BTBD9: variants seen among roughly 807,000 people sequenced by gnomAD.
BTBD9 encodes the protein BTB domain containing 9.
BTBD9 carries 49 observed loss-of-function variants against 64.3 expected under a neutral mutation model. That is an observed-to-expected ratio of 0.76 (90% CI 0.61 to 0.97). The LOEUF is 0.97. BTBD9 is among the 50% of genes least tolerant of loss of function. The probability of loss-of-function intolerance (pLI) is 0.00; values close to 1 mark genes in which losing one functional copy is unlikely to be tolerated. For missense variants in BTBD9, 598 were observed against 762.1 expected, an observed-to-expected ratio of 0.78 and a Z score of 2.53; for synonymous variants, 260 against 274.7, an observed-to-expected ratio of 0.95 and a Z score of 0.53.
intron 6 of BTBD9, among the ~76,000 whole-genome samples, chr6:38,519,300 A>G (rs1036324406): frequency 6.6e-6 from 1 of 152,226 alleles, no homozygotes; most frequent in Non-Finnish European, 1.5e-5. Context: ...AGACTTGTGC[A>G]TTTCTTTGTA....
chr6:38,511,913 C>T (rs1296516893), intron 6 of BTBD9, among the ~76,000 whole-genome samples: 1 of 152,144 alleles, frequency 6.6e-6, no homozygotes, highest in Non-Finnish European at 1.5e-5. Context: ...CTAGGACCCT[C>T]TTGAAAGCTC....
intron 4 of BTBD9, among the ~76,000 whole-genome samples, chr6:38,592,211 T>A (rs1232170389): frequency 6.6e-6 from 1 of 151,414 alleles, no homozygotes; most frequent in South Asian, 2.1e-4. Context: ...TCCATGTTCA[T>A]GGTACCCAAA....
intron 6 of BTBD9, among the ~76,000 whole-genome samples, chr6:38,357,062 G>C (rs1328397652): frequency 3.3e-5 from 5 of 152,140 alleles, no homozygotes; most frequent in Admixed American, 2.6e-4. Context: ...TCCTGTTTTA[G>C]AGACACTCTG....
chr6:38,438,250 G>GGGAA, intron 6 of BTBD9, among the ~76,000 whole-genome samples: 1 of 147,684 alleles, frequency 6.8e-6, no homozygotes, highest in African/African-American at 2.5e-5. Flanking sequence ...GAGGGAGGGA[G>GGGAA]GAAGGAAGGA....
In BTBD9 at chr6:38,561,791, A is replaced by G. The variant is rs896978985; in HGVS notation, c.1154+15809T>C. On this transcript the variant is annotated intron_variant, in intron 6 of 10. Transcript: ENST00000481247. ...TAGACACTGGGGACTACGGTGGGGG[A>G]TGGGGCAAGGGCTGAAAAACTACTT... Among the ~76,000 whole-genome samples, 123 of 152,192 alleles carry G rather than the reference A, an allele frequency of 8.1e-4. 1 individual carries two copies. Among genetic ancestry groups the G allele is most frequent in the African/African-American group, 2.9e-3 (120 of 41,520 alleles).
chr6:38,510,616 T>C, intron 6 of BTBD9, among the ~76,000 whole-genome samples: 1 of 152,264 alleles, frequency 6.6e-6, no homozygotes. Flanking sequence ...AAAATAATAC[T>C]TAGCTTAAAA....
In BTBD9 at chr6:38,169,780, A is replaced by G. The variant is rs909781030; in HGVS notation, c.*5205T>C. ...CACCCCCCCTCCCCCCCGCCCATTC[A>G]GGGCTATAAATACTCACGGACGCAA... On this transcript the variant is annotated 3_prime_UTR_variant, in exon 11 of 11. Transcript: ENST00000481247. 1 of 91,950 alleles carries G rather than the reference A, an allele frequency of 1.1e-5. No homozygotes were observed. Among genetic ancestry groups the G allele is most frequent in the Non-Finnish European group, 2.1e-5 (1 of 47,286 alleles). 5.7% of individuals were successfully genotyped at this position (91,950 alleles called of 1,614,324 possible).
chr6:38,405,554 A>G (rs1019054911), intron 6 of BTBD9, among the ~76,000 whole-genome samples: 2 of 152,136 alleles, frequency 1.3e-5, no homozygotes, highest in African/African-American at 4.8e-5. Flanking sequence ...ATAATGAGAA[A>G]TAAGCTCCTG....
intron 6 of BTBD9, among the ~76,000 whole-genome samples, chr6:38,380,971 T>C (rs1308430830): frequency 6.6e-6 from 1 of 151,822 alleles, no homozygotes; most frequent in Non-Finnish European, 1.5e-5. Context: ...ACCACTAAAA[T>C]AGGATGTATA....
At chr6:38,439,976 C>A (rs1465215495) in intron 6 of BTBD9, among the ~76,000 whole-genome samples, 1 of 152,162 alleles carries the variant, frequency 6.6e-6, no homozygotes, top group African/African-American at 2.4e-5. Context: ...CTCCTGAAGA[C>A]TGCAGAAGAT....
intron 6 of BTBD9, among the ~76,000 whole-genome samples, chr6:38,476,800 G>C (rs997844032): frequency 6.6e-6 from 1 of 152,214 alleles, no homozygotes; most frequent in Non-Finnish European, 1.5e-5. Context: ...ATATTATTCA[G>C]TATAGACACA....
chr6:38,380,098 A>G (rs982753395), intron 6 of BTBD9, among the ~76,000 whole-genome samples: 2 of 152,196 alleles, frequency 1.3e-5, no homozygotes, highest in African/African-American at 4.8e-5. Flanking sequence ...GCTCTTTAGT[A>G]CTATTTGACT....
chr6:38,247,697 C>T (rs1472670052), intron 9 of BTBD9, among the ~76,000 whole-genome samples: 3 of 152,190 alleles, frequency 2.0e-5, no homozygotes, highest in African/African-American at 7.2e-5. Context: ...CTTTAAGGAG[C>T]CCATGGAGAG....
chr6:38,599,208 C>T (rs1199751747), intron 1 of BTBD9, among the ~76,000 whole-genome samples: 1 of 152,132 alleles, frequency 6.6e-6, no homozygotes, highest in Non-Finnish European at 1.5e-5. Context: ...ATATGATTAA[C>T]AGCTTTACGT....
At chr6:38,611,393 CA>C (rs1405508417) in intron 1 of BTBD9, among the ~76,000 whole-genome samples, 7 of 152,058 alleles carry the variant, frequency 4.6e-5, no homozygotes, top group African/African-American at 1.4e-4. Context: ...AAAATTTAAA[CA>C]GTGGAAATTA....
At chr6:38,250,953 G>C in intron 9 of BTBD9, among the ~76,000 whole-genome samples, 1 of 151,996 alleles carries the variant, frequency 6.6e-6, no homozygotes, top group South Asian at 2.1e-4. Context: ...GTAGTGGCGT[G>C]TGCCTGTAAT....
intron 8 of BTBD9, among the ~76,000 whole-genome samples, chr6:38,259,897 A>G (rs1421640761): frequency 1.3e-5 from 2 of 152,038 alleles, no homozygotes; most frequent in Admixed American, 6.5e-5. Flanking sequence ...AAAGGATTCC[A>G]CTCTGTTGTT....
intron 6 of BTBD9, among the ~76,000 whole-genome samples, chr6:38,520,420 C>G (rs182310748): frequency 1.3e-4 from 20 of 152,228 alleles, no homozygotes; most frequent in African/African-American, 4.6e-4. Context: ...GAGATCACAC[C>G]ACTGCACTCC....
chr6:38,177,834 C>T (rs1165521310), intron 10 of BTBD9, among the ~76,000 whole-genome samples: 1 of 152,252 alleles, frequency 6.6e-6, no homozygotes, highest in African/African-American at 2.4e-5. Context: ...GGCTGTTACT[C>T]CCAACACACC....
Sources: gnomAD v4.1 joint callset for allele counts (sites outside exome capture counted in the v4.1 genomes callset) on GRCh38, gnomAD v4.1.1 for gene constraint, MANE v1.5 for transcripts, NCBI Gene and HGNC (gene_info 2026-07-23, HGNC 2026-07-21) for gene names.